The following ENOSF1 variants were observed in gnomAD, a reference collection of about 807,000 sequenced individuals.
ENOSF1 encodes enolase superfamily member 1.
Under a neutral mutation model 68.2 loss-of-function variants are expected in ENOSF1, and 73 were observed. That is an observed-to-expected ratio of 1.07 (90% CI 0.89 to 1.30). ENOSF1 has a LOEUF of 1.30. ENOSF1 is among the 50% of genes most tolerant of loss of function. The pLI is 0.00. For missense variants in ENOSF1, 589 were observed against 554.5 expected (o/e 1.06, Z -0.62); for synonymous variants, 223 against 210.4 (o/e 1.06, Z -0.52).
At chr18:664,455 G>A in the ENOSF1 span, among the ~76,000 whole-genome samples, 10 of 142,682 alleles carry the variant, frequency 7.0e-5, no homozygotes, top group South Asian at 7.2e-4. Flanking sequence ...CAATCATGTC[G>A]TCTGCAAACA....
Position 694,283 on chromosome 18 carries a change from C to T in ENOSF1, c.361G>A (p.Ala121Thr), listed in dbSNP as rs1048472827. 16 of 1,614,056 alleles carry T rather than the reference C, an allele frequency of 9.9e-6. No homozygotes were observed. Among genetic ancestry groups the T allele is most frequent in the African/African-American group, 1.3e-5 (1 of 74,908 alleles). ...TGCTTGGCCCACAAGTCCCACACCG[C>T]GTTTAGGACGGCCGCTGTCGCCAGG... ...VHLATAAVLN[A>T]VWDLWAKQEG... Residue 121 changes from alanine to threonine, a missense_variant, in exon 4 of 16, where the codon GCG becomes ACG. Ala to Thr is a moderately conservative substitution (Grantham distance 58). Coordinates refer to ENST00000647584, the MANE Select transcript of ENOSF1 (RefSeq NM_017512.7).
In ENOSF1 at chr18:683,377, T is replaced by G. The variant is rs763566289; in HGVS notation, c.745A>C (p.Met249Leu). The G allele has an allele frequency of 6.2e-7, 1 of 1,613,924 alleles. No homozygotes were observed. Among genetic ancestry groups the G allele is most frequent in the South Asian group, 1.1e-5 (1 of 91,028 alleles). ...DMIGPEKTLM[M>L]DANQRWDVPE... ...ACATCCCAGCGCTGGTTGGCATCCA[T>G]CATCTGCAAAAAGAGACTCTTCACA... The change falls in exon 11 of 16, where the codon ATG becomes CTG. Residue 249 changes from methionine to leucine, a missense_variant. Met to Leu is a conservative substitution (Grantham distance 15, BLOSUM62 2). Transcript: ENST00000647584.
chr18:675,534 G>A (rs900227337), intron 14 of ENOSF1, 132 bp from the exon 15 acceptor site: 8 of 763,576 alleles, frequency 1.0e-5, no homozygotes, highest in Admixed American at 6.4e-5. Context: ...GTTACCATGC[G>A]TTTCTAGGCA....
chr18:667,573 ATGGTG>A (rs2074880321), downstream of ENOSF1: 20 of 79,932 alleles, frequency 2.5e-4, 2 homozygotes, highest in Admixed American at 2.0e-3. Context: ...GGTGATGGAG[ATGGTG>A]ATGGTGATGG....
intron 2 of ENOSF1, among the ~76,000 whole-genome samples, chr18:702,795 TATTA>T (rs752081132): frequency 6.3e-4 from 96 of 152,140 alleles, no homozygotes; most frequent in Admixed American, 1.5e-3. Flanking sequence ...TAAAAATGAA[TATTA>T]ATTAAGTAAA....
chr18:680,108 T>C (rs1159632201), intron 11 of ENOSF1, among the ~76,000 whole-genome samples: 1 of 152,196 alleles, frequency 6.6e-6, no homozygotes, highest in East Asian at 1.9e-4. Flanking sequence ...ATCTGAATAA[T>C]CAGACTAAGC....
At chr18:694,808 T>TTCTC (rs145085795) in intron 3 of ENOSF1, among the ~76,000 whole-genome samples, 35,260 of 151,120 alleles carry the variant, frequency 0.23, 4,277 homozygotes, top group Admixed American at 0.28. Context: ...CCTCTCTTCT[T>TTCTC]TCTCTCTCTC....
At chr18:705,466 T>C (rs2078827923) in intron 2 of ENOSF1, among the ~76,000 whole-genome samples, 1 of 152,136 alleles carries the variant, frequency 6.6e-6, no homozygotes, top group Non-Finnish European at 1.5e-5. Flanking sequence ...GTGCCTCAGT[T>C]TTCTTCTCTC....
At chr18:685,235 G>A (rs1012535766) in intron 10 of ENOSF1, among the ~76,000 whole-genome samples, 1 of 151,344 alleles carries the variant, frequency 6.6e-6, no homozygotes, top group African/African-American at 2.4e-5. Flanking sequence ...GTACTCCTGA[G>A]CTCCGGCAAT....
chr18:703,472 A>G (rs951698914), intron 2 of ENOSF1, among the ~76,000 whole-genome samples: 94 of 152,346 alleles, frequency 6.2e-4, no homozygotes, highest in African/African-American at 2.2e-3. Context: ...CAGCGGCTTC[A>G]TAAAGTACTC....
chr18:670,099 A>C (rs181825924), downstream of ENOSF1, among the ~76,000 whole-genome samples: 1 of 147,622 alleles, frequency 6.8e-6, no homozygotes, highest in East Asian at 2.0e-4. Context: ...GCTGGAGTGC[A>C]GTGGTGTGAT....
intron 12 of ENOSF1, 160 bp downstream of exon 12, chr18:678,536 C>G: frequency 4.3e-6 from 3 of 704,852 alleles, no homozygotes; most frequent in Non-Finnish European, 7.5e-6. Context: ...ATATCTGACT[C>G]TAGACTCTGA....
the ENOSF1 span, among the ~76,000 whole-genome samples, chr18:664,377 G>A: frequency 1.4e-5 from 2 of 147,104 alleles, no homozygotes. Flanking sequence ...TATATCCTGA[G>A]ACTTTGCTGA....
chr18:690,136 T>TA (rs1405566874), intron 8 of ENOSF1, among the ~76,000 whole-genome samples: 1 of 152,162 alleles, frequency 6.6e-6, no homozygotes, highest in African/African-American at 2.4e-5. Flanking sequence ...TCCTTTATAA[T>TA]AAATGAGTAA....
chr18:698,602 A>T (rs903395932), intron 2 of ENOSF1, among the ~76,000 whole-genome samples: 4 of 150,306 alleles, frequency 2.7e-5, no homozygotes, highest in African/African-American at 7.3e-5. Flanking sequence ...ATTACCATCA[A>T]TTATTTATTT....
chr18:677,970 T>G lies in ENOSF1; in HGVS notation c.919-98A>C, dbSNP rs59676052. The stretch of plus-strand genomic sequence containing the variant: ...GCAGCCACTCTATGCCAATAATTAT[T>G]CATCAGTGGCCGTCAGGAAGCCCAG... On this transcript the variant is annotated intron_variant, in intron 12 of 15. Coordinates refer to ENST00000647584, the MANE Select transcript of ENOSF1 (RefSeq NM_017512.7). 6.6e-3 allele frequency: 9,271 copies of G among 1,404,130 alleles called. 538 individuals are homozygous for G. In the African/African-American group the frequency reaches 0.12, roughly 18 times the overall value. 87.0% of individuals were successfully genotyped at this position (1,404,130 alleles called of 1,614,324 possible).
At chr18:697,380 G>A in intron 2 of ENOSF1, 25 bp from the exon 3 acceptor site, 2 of 1,146,770 alleles carry the variant, frequency 1.7e-6, no homozygotes, top group Non-Finnish European at 2.5e-6. Context: ...TTGAACTCTT[G>A]TTTATGCTTC....
chr18:685,981 G>C lies in ENOSF1; in HGVS notation c.681C>G (p.Leu227=). 1 of 1,614,092 alleles carries C rather than the reference G, an allele frequency of 6.2e-7. No homozygotes were observed. The change falls in exon 10 of 16, where the codon CTC becomes CTG. Residue 227 remains leucine, a synonymous_variant. Coordinates refer to ENST00000647584, the MANE Select transcript of ENOSF1 (RefSeq NM_017512.7). ...TTTGGCATCTTCGCATGTCATCCTG[G>C]AGATCAGCACCCACCTTTACTTTAA... ...TRFKVKVGAD[L]QDDMRRCQII...
At chr18:698,395 T>C (rs919145543) in intron 2 of ENOSF1, among the ~76,000 whole-genome samples, 15 of 152,318 alleles carry the variant, frequency 9.8e-5, no homozygotes, top group African/African-American at 3.6e-4. Flanking sequence ...TTGACAAGTA[T>C]AGAAAATGCC....
Sources: allele counts gnomAD v4.1 joint callset (sites outside exome capture counted in the v4.1 genomes callset), GRCh38; gene constraint gnomAD v4.1.1; transcripts MANE v1.5; gene names NCBI Gene and HGNC (gene_info 2026-07-23, HGNC 2026-07-21).